UNC79: variants seen among roughly 807,000 people sequenced by gnomAD.
UNC79 encodes protein unc-79 homolog.
Under a neutral mutation model 283.1 loss-of-function variants are expected in UNC79, and 37 were observed. The ratio of observed to expected loss-of-function variants is 0.13; its 90% CI spans 0.10 to 0.17. The LOEUF (loss-of-function observed/expected upper bound fraction) is 0.17. Among genes scored for constraint, UNC79 ranks in the 10% least tolerant of loss-of-function variants. The pLI, the probability that UNC79 is intolerant of heterozygous loss-of-function variation, is 1.00. For synonymous variants in UNC79, 1,107 were observed against 1,200.2 expected, an observed-to-expected ratio of 0.92 and a Z score of 1.61; for missense variants, 2,272 against 3,211.1, an observed-to-expected ratio of 0.71 and a Z score of 7.07.
chr14:93,688,966 A>G lies in UNC79; in HGVS notation c.7085+126A>G. The G allele has an allele frequency of 9.3e-7, 1 of 1,081,032 alleles. No individual in the cohort carries two copies. The highest frequency in any genetic ancestry group is 1.3e-6 in the Non-Finnish European group (1 of 794,462). 67.0% of individuals were successfully genotyped at this position (1,081,032 alleles called of 1,614,324 possible). ...TGACAGTGGAATATACTTGGTTAGGAAGATGGAAATCAGATCCCATCTCCT... is the reference window on the plus strand; with the variant it reads ...TGACAGTGGAATATACTTGGTTAGGGAGATGGAAATCAGATCCCATCTCCT... On this transcript the variant is annotated intron_variant, in intron 44 of 48. Transcript: ENST00000555664. The surrounding 1 kb of genome is among the most constrained non-coding windows in gnomAD (Gnocchi z 4.0).
chr14:93,507,596 A>G (rs913186630), intron 7 of UNC79, among the ~76,000 whole-genome samples: 3 of 152,092 alleles, frequency 2.0e-5, no homozygotes, highest in Non-Finnish European at 2.9e-5. Context: ...GTTGTTCTTT[A>G]TTTAGTTTGA....
rs2063286939 is a variant in UNC79 at position 93,572,907 on chromosome 14, A to G, written c.2070+91A>G. 18 of 1,496,194 alleles carry G rather than the reference A, an allele frequency of 1.2e-5. No homozygotes were observed. In the South Asian group the frequency reaches 2.3e-4, roughly 19 times the overall value. 92.7% of individuals were successfully genotyped at this position (1,496,194 alleles called of 1,614,324 possible). ...GATCGAGAGAGTGGGAGTTATAGCA[A>G]AGACTTCGTAAGTCCCCATGTTTGC... is the stretch of plus-strand genomic sequence containing the variant. On this transcript the variant is annotated intron_variant, in intron 16 of 48. Coordinates refer to ENST00000555664, the Ensembl canonical transcript of UNC79.
chr14:93,587,653 A>G (rs919109226), intron 22 of UNC79, among the ~76,000 whole-genome samples: 10 of 152,310 alleles, frequency 6.6e-5, no homozygotes, highest in African/African-American at 2.2e-4. Flanking sequence ...GGTGAATCCT[A>G]TATAGAGAAA....
intron 4 of UNC79, 66 bp from the exon 5 acceptor site, chr14:93,487,595 GCT>G (rs2058508035): frequency 7.6e-6 from 10 of 1,309,738 alleles, no homozygotes; most frequent in Non-Finnish European, 1.1e-5. Flanking sequence ...TATCTCTCAT[GCT>G]CTGTGCAAAG....
chr14:93,417,522 G>C (rs1695868713), intron 1 of UNC79, among the ~76,000 whole-genome samples: 1 of 152,164 alleles, frequency 6.6e-6, no homozygotes, highest in South Asian at 2.1e-4. Context: ...TTCTCGAGGA[G>C]TGTCTTTGTG....
At chr14:93,655,119 G>C in intron 37 of UNC79, 115 bp from the exon 41 acceptor site, 1 of 1,141,364 alleles carries the variant, frequency 8.8e-7, no homozygotes, top group Non-Finnish European at 1.2e-6. Context: ...TATGTAGTAG[G>C]CACTGAACAC....
At chr14:93,461,972 A>AATAG (rs1555413334) in intron 1 of UNC79, among the ~76,000 whole-genome samples, 1 of 145,842 alleles carries the variant, frequency 6.9e-6, no homozygotes, top group Admixed American at 6.8e-5. Context: ...CAAAAAAAAA[A>AATAG]AAAGAAAGAA....
chr14:93,605,101 AGTGT>A, intron 26 of UNC79, 140 bp downstream of exon 27: 8 of 811,244 alleles, frequency 9.9e-6, no homozygotes, highest in Middle Eastern at 2.5e-4. Context: ...CAGATGTTCA[AGTGT>A]TTGAACCCCT....
Position 93,495,401 on chromosome 14 carries a change from T to A in UNC79, c.713-1010T>A, listed in dbSNP as rs575299895. Among the ~76,000 whole-genome samples the A allele has an allele frequency of 2.0e-5, 3 of 152,268 alleles. No homozygotes were observed. The East Asian group carries it at 5.8e-4, about 29-fold the overall frequency. On this transcript the variant is annotated intron_variant, in intron 5 of 48. Transcript: ENST00000555664. Reference sequence around the variant, plus strand: ...CTCACTCACTATCACGGGAACAGCATGGGGCAAACTGCCCCCACGATCCAA... The same window carrying A: ...CTCACTCACTATCACGGGAACAGCAAGGGGCAAACTGCCCCCACGATCCAA...
chr14:93,444,003 C>A (rs542972888), intron 1 of UNC79, among the ~76,000 whole-genome samples: 8 of 152,062 alleles, frequency 5.3e-5, no homozygotes, highest in Non-Finnish European at 1.2e-4. Context: ...GAATGTTTAC[C>A]GTTATAAGGT....
At chr14:93,691,928 A>C in exon 46 of UNC79, 1 of 1,614,154 alleles carries the variant, frequency 6.2e-7, no homozygotes, top group East Asian at 2.2e-5. Flanking sequence ...TCCTTCAGCT[A>C]ATGGCCCATA....
chr14:93,642,769 A>G (rs1302850101), intron 33 of UNC79, among the ~76,000 whole-genome samples: 1 of 152,178 alleles, frequency 6.6e-6, no homozygotes, highest in Non-Finnish European at 1.5e-5. Flanking sequence ...TCTTTGGCCT[A>G]TATTTAGGAA....
At chr14:93,691,621 T>A in intron 45 of UNC79, 128 bp from the exon 49 acceptor site, 1 of 899,414 alleles carries the variant, frequency 1.1e-6, no homozygotes, top group Non-Finnish European at 1.8e-6. Context: ...TTTGTAACTC[T>A]GAGATAACGT....
intron 7 of UNC79, among the ~76,000 whole-genome samples, chr14:93,514,988 A>G (rs1181226105): frequency 1.3e-5 from 2 of 152,096 alleles, no homozygotes; most frequent in African/African-American, 2.4e-5. Context: ...CTGGAATTCT[A>G]ATGGCATTTA....
At chr14:93,387,978 G>C (rs745800258) in intron 1 of UNC79, among the ~76,000 whole-genome samples, 1 of 151,990 alleles carries the variant, frequency 6.6e-6, no homozygotes. Context: ...TTCTTATTAC[G>C]TAGTGACCTT....
At chr14:93,471,380 G>A (rs2057493009) in intron 2 of UNC79, among the ~76,000 whole-genome samples, 1 of 152,124 alleles carries the variant, frequency 6.6e-6, no homozygotes, top group Admixed American at 6.6e-5. Flanking sequence ...CTCTCTTGAT[G>A]CTGAAAGTCA....
At chr14:93,387,059 C>T (rs1447289123) in intron 1 of UNC79, among the ~76,000 whole-genome samples, 2 of 149,790 alleles carry the variant, frequency 1.3e-5, no homozygotes, top group African/African-American at 4.9e-5. Context: ...TCTCCTGTCT[C>T]AGCCTCCCAA....
chr14:93,688,994 C>G lies in UNC79; in HGVS notation c.7085+154C>G. On this transcript the variant is annotated intron_variant, in intron 44 of 48. Transcript: ENST00000555664. The surrounding 1 kb of genome is among the most constrained non-coding windows in gnomAD (Gnocchi z 4.0). ...ATGGAAATCAGATCCCATCTCCTTA[C>G]GTACTTGCTGACCCAGAATGCTCTT... 2 of 788,634 alleles carry G rather than the reference C, an allele frequency of 2.5e-6. No individual in the cohort carries two copies. The highest frequency in any genetic ancestry group is 7.3e-5 in the South Asian group (2 of 27,394). The allele number at this position is 788,634 out of a possible 1,614,324, so 48.9% of individuals were successfully genotyped here.
intron 13 of UNC79, among the ~76,000 whole-genome samples, chr14:93,541,622 ATGTT>A (rs2061375103): frequency 6.6e-6 from 1 of 152,214 alleles, no homozygotes; most frequent in Non-Finnish European, 1.5e-5. Flanking sequence ...GGCAAGGACA[ATGTT>A]TTATTTATTT....
Sources: gnomAD v4.1 joint callset for allele counts (sites outside exome capture counted in the v4.1 genomes callset) on GRCh38, gnomAD v4.1.1 for gene constraint, Gnocchi (gnomAD v3.1) non-coding constraint, MANE v1.5 for transcripts, NCBI Gene and HGNC (gene_info 2026-07-23, HGNC 2026-07-21) for gene names.